Variants in FRMD3 observed in about 807,000 individuals in gnomAD.
FRMD3 encodes the protein FERM domain-containing protein 3.
FRMD3 carries 33 observed loss-of-function variants against 70.2 expected under a neutral mutation model. The ratio of observed to expected loss-of-function variants is 0.47; its 90% CI spans 0.36 to 0.63. The LOEUF is 0.63. FRMD3 is among the 20% of genes least tolerant of loss of function. The probability of loss-of-function intolerance (pLI) is 0.00; values close to 1 mark genes in which losing one functional copy is unlikely to be tolerated. For missense variants in FRMD3, 632 were observed against 711.4 expected (o/e 0.89, Z 1.27); for synonymous variants, 279 against 255.9 (o/e 1.09, Z -0.86).
chr9:83,370,986 C>G (rs531660928), intron 3 of FRMD3, among the ~76,000 whole-genome samples: 6 of 152,260 alleles, frequency 3.9e-5, no homozygotes, highest in South Asian at 4.1e-4. Flanking sequence ...CGCTAAATTT[C>G]TCACAAGTTT....
At chr9:83,441,402 AG>A (rs963788633) in intron 1 of FRMD3, among the ~76,000 whole-genome samples, 21 of 152,204 alleles carry the variant, frequency 1.4e-4, no homozygotes, top group African/African-American at 5.1e-4. Flanking sequence ...ACTTAAAAGG[AG>A]AAAAAATAAA....
At chr9:83,403,055 T>C (rs1295562344) in intron 1 of FRMD3, among the ~76,000 whole-genome samples, 1 of 151,768 alleles carries the variant, frequency 6.6e-6, no homozygotes, top group Non-Finnish European at 1.5e-5. Context: ...AGGCACCCGC[T>C]ACCATGCCCA....
intron 1 of FRMD3, among the ~76,000 whole-genome samples, chr9:83,505,622 A>G (rs1829164957): frequency 1.3e-5 from 2 of 152,192 alleles, no homozygotes; most frequent in African/African-American, 4.8e-5. Flanking sequence ...CAGCACAACA[A>G]CTGTGTTTCC....
intron 9 of FRMD3, 62 bp downstream of exon 9, chr9:83,310,423 T>C: frequency 7.7e-7 from 1 of 1,305,184 alleles, no homozygotes. Flanking sequence ...AGGCATATTT[T>C]ACTCCTGAAT....
chr9:83,387,996 C>T (rs749691361), intron 2 of FRMD3, among the ~76,000 whole-genome samples: 3 of 152,144 alleles, frequency 2.0e-5, no homozygotes, highest in East Asian at 3.9e-4. Flanking sequence ...CCATCCCTGA[C>T]GTCATGTCAG....
At chr9:83,293,089 G>C (rs997764876) in intron 12 of FRMD3, among the ~76,000 whole-genome samples, 4 of 152,196 alleles carry the variant, frequency 2.6e-5, no homozygotes, top group African/African-American at 7.2e-5. Flanking sequence ...ATCTCCCAAG[G>C]GAGGCAAGGC....
intron 5 of FRMD3, 62 bp downstream of exon 5, chr9:83,343,128 G>C: frequency 1.7e-6 from 2 of 1,196,094 alleles, no homozygotes; most frequent in African/African-American, 1.5e-5. Context: ...GAGAAGGGAG[G>C]CTTGAAACAG....
At chr9:83,507,772 G>A (rs552397079) in intron 1 of FRMD3, among the ~76,000 whole-genome samples, 1 of 129,902 alleles carries the variant, frequency 7.7e-6, no homozygotes, top group Admixed American at 8.4e-5. Flanking sequence ...ACATCCCAGG[G>A]GCTGTTTTAC....
intron 1 of FRMD3, among the ~76,000 whole-genome samples, chr9:83,515,801 T>C (rs1224662541): frequency 6.6e-6 from 1 of 151,868 alleles, no homozygotes; most frequent in African/African-American, 2.4e-5. Context: ...CAGAAGAGAG[T>C]GGGGGCCAAT....
intron 2 of FRMD3, among the ~76,000 whole-genome samples, chr9:83,388,017 C>G (rs1825560249): frequency 1.3e-5 from 2 of 152,146 alleles, no homozygotes; most frequent in African/African-American, 4.8e-5. Flanking sequence ...CCCCACATCC[C>G]CACCACTGCC....
intron 6 of FRMD3, 31 bp downstream of exon 6, chr9:83,335,485 T>A: frequency 6.3e-7 from 1 of 1,579,638 alleles, no homozygotes; most frequent in Non-Finnish European, 8.7e-7. Context: ...CTCCCCTTTA[T>A]CATTTTCACA....
chr9:83,325,302 A>C (rs1341237089), intron 6 of FRMD3, among the ~76,000 whole-genome samples: 5 of 152,196 alleles, frequency 3.3e-5, no homozygotes, highest in African/African-American at 1.2e-4. Flanking sequence ...TATACTTGAT[A>C]AATCTATTTT....
At chr9:83,258,957 A>G (rs1832855186) in intron 13 of FRMD3, among the ~76,000 whole-genome samples, 1 of 152,042 alleles carries the variant, frequency 6.6e-6, no homozygotes, top group Non-Finnish European at 1.5e-5. Context: ...TGGAATGCCC[A>G]TTAAAACAAC....
At chr9:83,509,944 T>A (rs1046869689) in intron 1 of FRMD3, among the ~76,000 whole-genome samples, 2 of 152,172 alleles carry the variant, frequency 1.3e-5, no homozygotes, top group African/African-American at 4.8e-5. Flanking sequence ...ATGACTTAGA[T>A]TGTAAATATA....
chr9:83,299,791 T>C (rs1472663083), intron 10 of FRMD3, among the ~76,000 whole-genome samples: 1 of 152,160 alleles, frequency 6.6e-6, no homozygotes, highest in African/African-American at 2.4e-5. Flanking sequence ...ATGACTAAGA[T>C]ACACGAGGCA....
At chr9:83,504,998 G>A (rs1039932154) in intron 1 of FRMD3, among the ~76,000 whole-genome samples, 1 of 152,164 alleles carries the variant, frequency 6.6e-6, no homozygotes, top group African/African-American at 2.4e-5. Flanking sequence ...TCCCAAAATA[G>A]TGAGGTATCA....
chr9:83,554,808 C>T, the FRMD3 span, among the ~76,000 whole-genome samples: 3 of 152,124 alleles, frequency 2.0e-5, no homozygotes, highest in South Asian at 6.2e-4. Flanking sequence ...GCCTGGAGGA[C>T]CTGCCTGGTG....
chr9:83,539,581 T>C (rs1011451429), upstream of FRMD3, among the ~76,000 whole-genome samples: 3 of 151,960 alleles, frequency 2.0e-5, no homozygotes, highest in Non-Finnish European at 4.4e-5. Flanking sequence ...GTCCTGGGGG[T>C]CGAGGAAGAG....
At chr9:83,243,135 C>A, downstream of FRMD3, 2 of 1,511,728 alleles carry the variant, frequency 1.3e-6, no homozygotes, top group Non-Finnish European at 1.8e-6. Context: ...CAGTCACAGA[C>A]GGAGGCTGGA....
Sources: allele counts gnomAD v4.1 joint callset (sites outside exome capture counted in the v4.1 genomes callset), GRCh38; gene constraint gnomAD v4.1.1; transcripts MANE v1.5; gene names NCBI Gene and HGNC (gene_info 2026-07-23, HGNC 2026-07-21).